Variants in THSD7B observed in about 807,000 individuals in gnomAD.
The protein encoded by THSD7B is thrombospondin type-1 domain-containing protein 7B.
THSD7B carries 138 observed loss-of-function variants against 213.6 expected under a neutral mutation model. That is an observed-to-expected ratio of 0.65 (90% CI 0.56 to 0.74). The LOEUF (loss-of-function observed/expected upper bound fraction) is 0.74, where lower values mean the gene tolerates loss of function less well. Among genes scored for constraint, THSD7B ranks in the 30% least tolerant of loss-of-function variants. The pLI is 0.00. For synonymous variants in THSD7B, 742 were observed against 687.0 expected (o/e 1.08, Z -1.25); for missense variants, 1,931 against 1,991.5 (o/e 0.97, Z 0.58).
chr2:136,826,761 G>A (rs1357005928), intron 1 of THSD7B, among the ~76,000 whole-genome samples: 3 of 152,182 alleles, frequency 2.0e-5, no homozygotes, highest in Non-Finnish European at 4.4e-5. Context: ...CACAATAAGA[G>A]CTTCCTTGTC....
chr2:136,950,262 A>C (rs532044854), intron 2 of THSD7B, among the ~76,000 whole-genome samples: 54 of 130,876 alleles, frequency 4.1e-4, no homozygotes, highest in Non-Finnish European at 7.2e-4. Context: ...AGAAGAAAAA[A>C]ATAAAAATAA....
rs188711009 is a variant in THSD7B at position 137,359,028 on chromosome 2, C to T, written c.2501-46585C>T. Among the ~76,000 whole-genome samples, 215 of 152,308 alleles carry T rather than the reference C, an allele frequency of 1.4e-3. 1 individual carries two copies. The highest frequency in any genetic ancestry group is 3.6e-3 in the African/African-American group (148 of 41,578). ...GAAAATAAAATAAATTCCACAGATA[C>T]GCTTTATCTGTAGATGTCAAATCTC... On this transcript the variant is annotated intron_variant, in intron 12 of 27. Transcript: ENST00000409968.
intron 14 of THSD7B, among the ~76,000 whole-genome samples, chr2:137,443,051 T>C (rs1687451369): frequency 1.3e-5 from 2 of 152,156 alleles, no homozygotes; most frequent in South Asian, 2.1e-4. Context: ...GAAAAATAGC[T>C]AGTGTACGTA....
chr2:137,660,783 A>G (rs1240134298), intron 25 of THSD7B, among the ~76,000 whole-genome samples: 1 of 152,216 alleles, frequency 6.6e-6, no homozygotes, highest in Non-Finnish European at 1.5e-5. Context: ...CTCCACTGTG[A>G]TATGAAGATA....
intron 12 of THSD7B, among the ~76,000 whole-genome samples, chr2:137,345,475 CA>C (rs1472018045): frequency 6.6e-6 from 1 of 151,572 alleles, no homozygotes; most frequent in African/African-American, 2.4e-5. Context: ...TAGACATAGA[CA>C]TAGACGTCTC....
At chr2:137,389,402 A>ACTTTTTTTTTTTTTTTTTTTTTTTTT (rs1685967896) in intron 12 of THSD7B, among the ~76,000 whole-genome samples, 2 of 38,052 alleles carry the variant, frequency 5.3e-5, no homozygotes, top group Non-Finnish European at 4.4e-5. Flanking sequence ...TCTTAATGTG[A>ACTTTTTTTTTTTTTTTTTTTTTTTTT]TTTTTTTTTT....
rs867419925 is a variant in THSD7B at position 137,390,183 on chromosome 2, G to A, written c.2501-15430G>A. 2.1e-4 allele frequency among the ~76,000 whole-genome samples: 32 copies of A among 152,240 alleles called. 3 individuals carry two copies. The Middle Eastern group carries it at 0.051, about 244-fold the overall frequency. On this transcript the variant is annotated intron_variant, in intron 12 of 27. Transcript: ENST00000409968. ...AATATTAATTCTTTTGGTCATGAGC[G>A]TGGGATGTCCTTCCATTTGTGTTCT...
intron 15 of THSD7B, among the ~76,000 whole-genome samples, chr2:137,453,458 T>C (rs1043657719): frequency 6.7e-6 from 1 of 150,036 alleles, no homozygotes; most frequent in Non-Finnish European, 1.5e-5. Flanking sequence ...GCCTCCCATG[T>C]AGCTGTGGCT....
At chr2:137,080,033 C>T (rs976189977) in intron 3 of THSD7B, among the ~76,000 whole-genome samples, 2 of 151,902 alleles carry the variant, frequency 1.3e-5, no homozygotes, top group South Asian at 2.1e-4. Context: ...GTAGAGAAGA[C>T]GTTTCACCAT....
chr2:137,291,373 G>C (rs765590794), intron 12 of THSD7B, among the ~76,000 whole-genome samples: 34 of 152,048 alleles, frequency 2.2e-4, no homozygotes, highest in Non-Finnish European at 4.1e-4. Context: ...CCAAAATGCA[G>C]AAAATGTACC....
intron 15 of THSD7B, among the ~76,000 whole-genome samples, chr2:137,532,650 T>G (rs1680420512): frequency 6.6e-6 from 1 of 151,826 alleles, no homozygotes; most frequent in African/African-American, 2.4e-5. Flanking sequence ...CGGAGTTTGT[T>G]TCAAGATTCA....
chr2:137,405,085 T>C (rs1686482528), intron 12 of THSD7B, among the ~76,000 whole-genome samples: 1 of 151,904 alleles, frequency 6.6e-6, no homozygotes, highest in Non-Finnish European at 1.5e-5. Flanking sequence ...AATAAAAATT[T>C]TAACTGGTCC....
At chr2:136,979,009 T>A (rs1247326670) in intron 2 of THSD7B, among the ~76,000 whole-genome samples, 1 of 152,104 alleles carries the variant, frequency 6.6e-6, no homozygotes, top group East Asian at 1.9e-4. Context: ...CCTTAGCATT[T>A]GGTTGTCTGA....
intron 5 of THSD7B, among the ~76,000 whole-genome samples, chr2:137,133,674 G>C (rs772790494): frequency 2.0e-5 from 3 of 152,104 alleles, no homozygotes; most frequent in Non-Finnish European, 2.9e-5. Flanking sequence ...GTAATTTTAA[G>C]TTTTCAAGGA....
At chr2:137,258,475 G>A (rs1682360019) in intron 10 of THSD7B, among the ~76,000 whole-genome samples, 1 of 151,870 alleles carries the variant, frequency 6.6e-6, no homozygotes, top group Admixed American at 6.6e-5. Context: ...GCTCTGCCTT[G>A]ACCTGTCCTT....
At chr2:137,466,613 C>G (rs1687995826) in intron 15 of THSD7B, among the ~76,000 whole-genome samples, 1 of 152,140 alleles carries the variant, frequency 6.6e-6, no homozygotes, top group Non-Finnish European at 1.5e-5. Context: ...CACGCCTACT[C>G]TAGATGCTTT....
chr2:137,341,705 A>G (rs528272610), intron 12 of THSD7B, among the ~76,000 whole-genome samples: 1 of 151,732 alleles, frequency 6.6e-6, no homozygotes, highest in African/African-American at 2.4e-5. Flanking sequence ...AGTATTCCCA[A>G]TACCATTTAA....
intron 25 of THSD7B, among the ~76,000 whole-genome samples, chr2:137,660,030 CTCT>C (rs1285362212): frequency 6.6e-6 from 1 of 152,150 alleles, no homozygotes; most frequent in Non-Finnish European, 1.5e-5. Flanking sequence ...CTTATGTCTT[CTCT>C]TCTTAACCTT....
chr2:136,950,126 G>T (rs1302241578), intron 2 of THSD7B, among the ~76,000 whole-genome samples: 2 of 152,068 alleles, frequency 1.3e-5, no homozygotes, highest in Admixed American at 1.3e-4. Context: ...GTGGCACGTG[G>T]CTGTAGTCCC....
Sources: gnomAD v4.1 joint callset for allele counts (sites outside exome capture counted in the v4.1 genomes callset) on GRCh38, gnomAD v4.1.1 for gene constraint, MANE v1.5 for transcripts, NCBI Gene and HGNC (gene_info 2026-07-23, HGNC 2026-07-21) for gene names.